Variants in ADGRE3 observed in about 807,000 individuals in gnomAD.
ADGRE3 encodes the protein EGF-like module receptor 3.
ADGRE3 carries 88 observed loss-of-function variants against 80.1 expected under a neutral mutation model. The ratio of observed to expected loss-of-function variants is 1.10; its 90% CI spans 0.93 to 1.31. ADGRE3 has a LOEUF of 1.31. ADGRE3 is among the 40% of genes most tolerant of loss of function. The pLI is 0.00. For synonymous variants in ADGRE3, 281 were observed against 294.8 expected, an observed-to-expected ratio of 0.95 and a Z score of 0.48; for missense variants, 715 against 776.5, an observed-to-expected ratio of 0.92 and a Z score of 0.94.
At chr19:14,644,397 T>C (rs1180764602) in intron 8 of ADGRE3, 122 bp from the exon 9 acceptor site, 1 of 612,466 alleles carries the variant, frequency 1.6e-6, no homozygotes, top group Admixed American at 3.6e-5. Context: ...CTCGGCTCAC[T>C]GCAACCTCCG....
the ADGRE3 span, among the ~76,000 whole-genome samples, chr19:14,613,499 A>G: frequency 6.6e-6 from 1 of 151,988 alleles, no homozygotes; most frequent in African/African-American, 2.4e-5. Context: ...CTAAAATACA[A>G]GGATTGCGAT....
chr19:14,665,403 C>A (rs79407979), intron 2 of ADGRE3, among the ~76,000 whole-genome samples: 291 of 152,064 alleles, frequency 1.9e-3, no homozygotes, highest in African/African-American at 6.8e-3. Flanking sequence ...TATTCCATCC[C>A]GGGGATGGAC....
rs113595431 is a variant in ADGRE3, at chr19:14,636,181, C to CTCTT, written c.1484+1920_1484+1923dup. 2.4e-4 allele frequency among the ~76,000 whole-genome samples: 17 copies of CTCTT among 72,012 alleles called. 2 individuals carry two copies. The highest frequency in any genetic ancestry group is 5.6e-4 in the African/African-American group (12 of 21,536). The allele number at this position is 72,012 out of a possible 152,430, so 47.2% of individuals were successfully genotyped here. The stretch of plus-strand genomic sequence containing the variant: ...TTCCTCCTTTCCTTTCCTTTCCTTC[C>CTCTT]TCTTTCTTTCTTTCTTTCTTTCTTT... On this transcript the variant is annotated intron_variant, in intron 11 of 15. Transcript: ENST00000253673.
At chr19:14,620,568 A>ATATATATTT (rs1435435269) in intron 15 of ADGRE3, among the ~76,000 whole-genome samples, 1 of 11,050 alleles carries the variant, frequency 9.0e-5, no homozygotes, top group Non-Finnish European at 1.5e-4. Context: ...ATATATATAT[A>ATATATATTT]TTTTTTTTTT....
At chr19:14,659,502 T>C (rs1184157479) in intron 4 of ADGRE3, among the ~76,000 whole-genome samples, 1 of 151,924 alleles carries the variant, frequency 6.6e-6, no homozygotes, top group Non-Finnish European at 1.5e-5. Flanking sequence ...AAGACTTTTG[T>C]GTTGGTTTCT....
the ADGRE3 span, among the ~76,000 whole-genome samples, chr19:14,606,819 A>G: frequency 1.3e-5 from 2 of 152,140 alleles, no homozygotes; most frequent in African/African-American, 4.8e-5. Context: ...TTCCCACCAC[A>G]CATGCTACAG....
At chr19:14,619,883 C>G (rs781068897) in intron 15 of ADGRE3, among the ~76,000 whole-genome samples, 16 of 152,156 alleles carry the variant, frequency 1.1e-4, no homozygotes, top group Non-Finnish European at 2.2e-4. Flanking sequence ...CTTGGTTTAG[C>G]AGCCCCAAGC....
intron 11 of ADGRE3, among the ~76,000 whole-genome samples, chr19:14,634,384 T>C (rs1404659206): frequency 6.6e-6 from 1 of 152,202 alleles, no homozygotes; most frequent in African/African-American, 2.4e-5. Flanking sequence ...ATATTTAAAT[T>C]GGTATGTGTA....
At chr19:14,620,566 A>ATTTT (rs1568471671) in intron 15 of ADGRE3, among the ~76,000 whole-genome samples, 3 of 16,054 alleles carry the variant, frequency 1.9e-4, no homozygotes, top group East Asian at 2.0e-3. Context: ...ATATATATAT[A>ATTTT]TATTTTTTTT....
the ADGRE3 span, among the ~76,000 whole-genome samples, chr19:14,604,230 G>C: frequency 6.6e-6 from 1 of 152,116 alleles, no homozygotes; most frequent in South Asian, 2.1e-4. Context: ...CTGCTTTTTA[G>C]AGTCTCCAAA....
At chr19:14,671,426 C>T (rs1272260736) in intron 1 of ADGRE3, among the ~76,000 whole-genome samples, 2 of 152,220 alleles carry the variant, frequency 1.3e-5, no homozygotes, top group South Asian at 2.1e-4. Flanking sequence ...AGCATCTTCT[C>T]GTCTTCCTGA....
At chr19:14,655,684 A>G (rs1411206962) in intron 5 of ADGRE3, among the ~76,000 whole-genome samples, 1 of 151,416 alleles carries the variant, frequency 6.6e-6, no homozygotes, top group Admixed American at 6.6e-5. Context: ...CTGGTCTGGA[A>G]CTCCTGGGCT....
chr19:14,626,000 G>A lies in ADGRE3; in HGVS notation c.1813-401C>T, dbSNP rs139087855. ...AGTTTGGGAAGATGAATAAAGTTCC[G>A]GAGATGGATGTTGGTGATGGTTGCA... On this transcript the variant is annotated intron_variant, in intron 14 of 15. Transcript: ENST00000253673. 1.6e-4 allele frequency among the ~76,000 whole-genome samples: 24 copies of A among 152,238 alleles called. No homozygotes were observed. The South Asian group carries it at 1.7e-3, about 11-fold the overall frequency.
At chr19:14,624,411 T>A (rs1970681778) in intron 15 of ADGRE3, among the ~76,000 whole-genome samples, 1 of 152,126 alleles carries the variant, frequency 6.6e-6, no homozygotes, top group Non-Finnish European at 1.5e-5. Flanking sequence ...TCCTTTTTAT[T>A]ATTATTATTT....
intron 1 of ADGRE3, among the ~76,000 whole-genome samples, chr19:14,670,346 T>A (rs1275377683): frequency 6.6e-6 from 1 of 152,168 alleles, no homozygotes; most frequent in Non-Finnish European, 1.5e-5. Flanking sequence ...TGAGGCTGCA[T>A]TTCCTCTTGA....
At position 14,663,416 on chromosome 19, in the gene ADGRE3, A is replaced by AC. The variant is rs1423709092; in HGVS notation, c.199+1dup. 2 of 1,555,602 alleles carry AC rather than the reference A, an allele frequency of 1.3e-6. No homozygotes were observed. The highest frequency in any genetic ancestry group is 1.8e-6 in the Non-Finnish European group (2 of 1,142,116). On this transcript the variant is annotated splice_donor_variant, in intron 3 of 15. Transcript: ENST00000253673. LOFTEE classifies it high-confidence loss of function. ...TAATAAAAAATAATAATACTTCTTT[A>AC]CCGTTACATGTCTCCAAGGGGAATG...
intron 3 of ADGRE3, 132 bp from the exon 4 acceptor site, chr19:14,662,250 T>C (rs971172655): frequency 1.2e-6 from 1 of 820,450 alleles, no homozygotes; most frequent in South Asian, 1.9e-5. Flanking sequence ...TAGGTAATGG[T>C]TATCTTGGTT....
intron 7 of ADGRE3, among the ~76,000 whole-genome samples, chr19:14,647,663 A>G (rs1380106845): frequency 6.6e-6 from 1 of 150,858 alleles, no homozygotes; most frequent in Non-Finnish European, 1.5e-5. Context: ...GGTGATCCAC[A>G]TGTCTTGGTC....
Position 14,644,229 on chromosome 19 carries a change from G to T in ADGRE3, c.929C>A (p.Thr310Lys), listed in dbSNP as rs772798430. The stretch of plus-strand genomic sequence containing the variant: ...CCTGGACCACTGGCTGCCCTGCCCT[G>T]TGCTCTTCCAGTAGACACAGAAGAC... Reference protein sequence around the residue: ...KKVFCVYWKSTGQGSQWSRDG... With the variant: ...KKVFCVYWKSKGQGSQWSRDG... The change falls in exon 9 of 16, where the codon ACA (threonine) becomes AAA (lysine). Residue 310 changes from threonine to lysine, a missense_variant. Coordinates refer to ENST00000253673, the MANE Select transcript of ADGRE3 (RefSeq NM_032571.5). 1.9e-6 allele frequency: 3 copies of T among 1,599,460 alleles called. No individual in the cohort carries two copies. Among genetic ancestry groups the T allele is most frequent in the Non-Finnish European group, 1.7e-6 (2 of 1,173,996 alleles).
Sources: allele counts gnomAD v4.1 joint callset (sites outside exome capture counted in the v4.1 genomes callset), GRCh38; gene constraint gnomAD v4.1.1; transcripts MANE v1.5; gene names NCBI Gene and HGNC (gene_info 2026-07-23, HGNC 2026-07-21).